The following TRAK2 variants were observed in gnomAD, a reference collection of about 807,000 sequenced individuals.
TRAK2 encodes trafficking kinesin-binding protein 2.
In TRAK2, 81 loss-of-function variants were observed where a neutral mutation model predicts 104.6. That is an observed-to-expected ratio of 0.77 (90% CI 0.65 to 0.93). The LOEUF is 0.93. Among genes scored for constraint, TRAK2 ranks in the 40% least tolerant of loss-of-function variants. The pLI, the probability that TRAK2 is intolerant of heterozygous loss-of-function variation, is 0.00. For missense variants in TRAK2, 1,002 were observed against 1,089.0 expected (o/e 0.92, Z 1.12); for synonymous variants, 406 against 394.4 (o/e 1.03, Z -0.35).
At chr2:201,395,833 A>G (rs796826840) in intron 7 of TRAK2, among the ~76,000 whole-genome samples, 5 of 152,332 alleles carry the variant, frequency 3.3e-5, no homozygotes, top group African/African-American at 1.2e-4. Flanking sequence ...CTTTAGGGAC[A>G]TAAAATCCCA....
intron 3 of TRAK2, among the ~76,000 whole-genome samples, chr2:201,403,896 C>T (rs1018914679): frequency 6.6e-6 from 1 of 152,086 alleles, no homozygotes; most frequent in African/African-American, 2.4e-5. Context: ...GAATGCGCAA[C>T]CTAGATACTA....
At chr2:201,405,808 C>A (rs1425581683) in intron 3 of TRAK2, among the ~76,000 whole-genome samples, 1 of 152,112 alleles carries the variant, frequency 6.6e-6, no homozygotes, top group Admixed American at 6.5e-5. Flanking sequence ...CATGGTGAAA[C>A]CCCGTCTCTA....
chr2:201,435,259 T>C (rs1951873094), intron 1 of TRAK2, among the ~76,000 whole-genome samples: 1 of 152,206 alleles, frequency 6.6e-6, no homozygotes, highest in Admixed American at 6.5e-5. Context: ...GGTTATACCA[T>C]GTTGTCCAGG....
chr2:201,395,167 A>T, intron 8 of TRAK2, 147 bp downstream of exon 8: 1 of 656,780 alleles, frequency 1.5e-6, no homozygotes, highest in Middle Eastern at 3.5e-4. Flanking sequence ...TATATGACAT[A>T]AAGATGATTA....
At position 201,392,813 on chromosome 2, in the gene TRAK2, C is replaced by T. The variant is rs561400462; in HGVS notation, c.1113+96G>A. On this transcript the variant is annotated intron_variant, in intron 10 of 15. Coordinates refer to ENST00000332624, the MANE Select transcript of TRAK2 (RefSeq NM_015049.3). The stretch of plus-strand genomic sequence containing the variant: ...AGAAACAAGGAAAAAATCTCTTCTC[C>T]AGATGTTTTATACCATCATAAACCA... 14 of 1,226,940 alleles carry T rather than the reference C, an allele frequency of 1.1e-5. No homozygotes were observed. The South Asian group carries it at 1.8e-4, about 16-fold the overall frequency. 76.0% of individuals were successfully genotyped at this position (1,226,940 alleles called of 1,614,324 possible). A position where few individuals can be genotyped will look rare whatever the true frequency, so the allele number is the denominator to read the frequency against.
chr2:201,392,840 C>A (rs2125643756), intron 10 of TRAK2, 69 bp downstream of exon 10: 2 of 1,472,910 alleles, frequency 1.4e-6, no homozygotes, highest in South Asian at 1.4e-5. Flanking sequence ...CATAAACCAT[C>A]AAACTTTTAG....
chr2:201,411,924 G>A (rs1393120339), intron 2 of TRAK2: 1 of 1,038,978 alleles, frequency 9.6e-7, no homozygotes, highest in Non-Finnish European at 1.5e-6. Context: ...TTTAGACAGA[G>A]CTCCTGGTAT....
At chr2:201,413,000 T>C in intron 2 of TRAK2, 1 of 776,228 alleles carries the variant, frequency 1.3e-6, no homozygotes, top group Non-Finnish European at 2.4e-6. Flanking sequence ...TAAAGAATGC[T>C]GGACAGTAAG....
intron 1 of TRAK2, among the ~76,000 whole-genome samples, chr2:201,422,964 CAT>C (rs778541978): frequency 1.3e-5 from 2 of 151,452 alleles, no homozygotes; most frequent in Non-Finnish European, 2.9e-5. Context: ...GAAAAAGAGA[CAT>C]AATAAATAGC....
intron 1 of TRAK2, among the ~76,000 whole-genome samples, chr2:201,445,151 C>T (rs1951954790): frequency 6.6e-6 from 1 of 152,136 alleles, no homozygotes; most frequent in Admixed American, 6.5e-5. Flanking sequence ...GAATAAACCA[C>T]AATACGGGGT....
At chr2:201,428,183 T>C (rs1177488439) in intron 1 of TRAK2, among the ~76,000 whole-genome samples, 1 of 152,202 alleles carries the variant, frequency 6.6e-6, no homozygotes, top group Non-Finnish European at 1.5e-5. Flanking sequence ...TGAGATCCCA[T>C]TTGTCTATTT....
chr2:201,381,505 C>T (rs186197762), intron 15 of TRAK2, among the ~76,000 whole-genome samples: 1 of 152,210 alleles, frequency 6.6e-6, no homozygotes, highest in Non-Finnish European at 1.5e-5. Flanking sequence ...TAACTTTACT[C>T]TTAAATTTTA....
At chr2:201,392,823 A>G in intron 10 of TRAK2, 86 bp downstream of exon 10, 1 of 1,332,910 alleles carries the variant, frequency 7.5e-7, no homozygotes. Context: ...CAGATGTTTT[A>G]TACCATCATA....
intron 3 of TRAK2, among the ~76,000 whole-genome samples, chr2:201,406,682 T>C (rs1043119842): frequency 6.6e-6 from 1 of 152,218 alleles, no homozygotes; most frequent in East Asian, 1.9e-4. Flanking sequence ...TAAGCTTTTA[T>C]TATAAATTCT....
At chr2:201,443,997 T>C (rs113416223) in intron 1 of TRAK2, among the ~76,000 whole-genome samples, 3,908 of 152,164 alleles carry the variant, frequency 0.026, 172 homozygotes, top group African/African-American at 0.09. Context: ...GTTCAGGAGT[T>C]CGAGATCTGC....
Position 201,398,275 on chromosome 2 carries a change from G to C in TRAK2, c.560C>G (p.Thr187Ser), listed in dbSNP as rs372738496. ...AAGAGGTGTAGAACAGCTGGAATCA[G>C]TTTCACTTTCTTCAGAAGCAATGGA... Reference protein sequence around the residue: ...IVSIASEESETDSSCSTPLRF... With the variant: ...IVSIASEESESDSSCSTPLRF... The change falls in exon 6 of 16, where the codon ACT becomes AGT. Residue 187 changes from threonine (T) to serine (S), a missense_variant. By Grantham distance (58) the Thr-to-Ser change is moderately conservative. Transcript: ENST00000332624. 1.9e-6 allele frequency: 3 copies of C among 1,613,584 alleles called. No homozygotes were observed. The African/African-American group carries it at 4.0e-5, about 22-fold the overall frequency.
chr2:201,435,425 A>G (rs1951873935), intron 1 of TRAK2, among the ~76,000 whole-genome samples: 1 of 152,246 alleles, frequency 6.6e-6, no homozygotes, highest in African/African-American at 2.4e-5. Flanking sequence ...TAGTCTCTTA[A>G]GTGAGCAATA....
chr2:201,430,544 C>G (rs2125658723), intron 1 of TRAK2, among the ~76,000 whole-genome samples: 1 of 152,360 alleles, frequency 6.6e-6, no homozygotes, highest in South Asian at 2.1e-4. Context: ...GCCCCTCCCC[C>G]AGGCTCGCTG....
In TRAK2 at chr2:201,420,622, T is replaced by C. The variant is rs1221120575; in HGVS notation, c.-115A>G. On this transcript the variant is annotated 5_prime_UTR_variant, in exon 2 of 16. Transcript: ENST00000332624. ...GATTTGGTCACATGGATATTTTCTTTTAGACAGATTTTCTCTGATGAGTCA... is the reference window on the plus strand; with the variant it reads ...GATTTGGTCACATGGATATTTTCTTCTAGACAGATTTTCTCTGATGAGTCA... 19 of 824,292 alleles carry C rather than the reference T, an allele frequency of 2.3e-5. No homozygotes were observed. Among genetic ancestry groups the C allele is most frequent in the Non-Finnish European group, 3.8e-5 (19 of 506,018 alleles). The allele number at this position is 824,292 out of a possible 1,614,324, so 51.1% of individuals were successfully genotyped here. A position where few individuals can be genotyped will look rare whatever the true frequency, so the allele number is the denominator to read the frequency against.
Sources: gnomAD v4.1 joint callset for allele counts (sites outside exome capture counted in the v4.1 genomes callset) on GRCh38, gnomAD v4.1.1 for gene constraint, MANE v1.5 for transcripts, NCBI Gene and HGNC (gene_info 2026-07-23, HGNC 2026-07-21) for gene names.